The following TP73 variants were observed in gnomAD, a reference collection of about 807,000 sequenced individuals.
The protein encoded by TP73 is p53-like transcription factor.
Under a neutral mutation model 62.5 loss-of-function variants are expected in TP73, and 25 were observed. That is an observed-to-expected ratio of 0.40 (90% CI 0.29 to 0.56). TP73 has a LOEUF of 0.56. TP73 is among the 20% of genes least tolerant of loss of function. The pLI is 0.46. For synonymous variants in TP73, 423 were observed against 377.5 expected (o/e 1.12, Z -1.40); for missense variants, 754 against 913.3 (o/e 0.83, Z 2.25).
chr1:3,713,450 G>A (rs760442714), intron 4 of TP73, among the ~76,000 whole-genome samples: 7 of 152,238 alleles, frequency 4.6e-5, no homozygotes, highest in Non-Finnish European at 8.8e-5. Context: ...GCCAAGATGC[G>A]GTCGTAGGTG....
At chr1:3,729,039 T>C (rs1437159799) in intron 9 of TP73, among the ~76,000 whole-genome samples, 1 of 152,060 alleles carries the variant, frequency 6.6e-6, no homozygotes, top group Non-Finnish European at 1.5e-5. Flanking sequence ...ACTTGGTTTC[T>C]AAAAACCCAG....
intron 4 of TP73, among the ~76,000 whole-genome samples, chr1:3,710,398 C>A (rs962130563): frequency 6.6e-6 from 1 of 152,170 alleles, no homozygotes; most frequent in Non-Finnish European, 1.5e-5. Context: ...AAGTGGTCGG[C>A]TCACAGTGCA....
intron 13 of TP73, 57 bp from the exon 14 acceptor site, chr1:3,732,690 C>A (rs1457191551): frequency 9.5e-6 from 14 of 1,476,408 alleles, no homozygotes; most frequent in South Asian, 5.3e-5. Context: ...CCAGGGCGAC[C>A]CCCCCTGCTC....
At chr1:3,687,516 C>T (rs1003014120) in intron 3 of TP73, among the ~76,000 whole-genome samples, 5 of 152,220 alleles carry the variant, frequency 3.3e-5, no homozygotes, top group Admixed American at 1.3e-4. Context: ...GGCTTGGAAG[C>T]GAATCCCTGC....
chr1:3,730,533 G>T (rs182701000), intron 11 of TP73, among the ~76,000 whole-genome samples: 2 of 152,224 alleles, frequency 1.3e-5, no homozygotes, highest in East Asian at 1.9e-4. Flanking sequence ...AGCACAAGCC[G>T]GGGGCTCCAT....
chr1:3,729,490 C>T (rs745307139), intron 10 of TP73, 42 bp downstream of exon 10: 3 of 1,610,920 alleles, frequency 1.9e-6, no homozygotes, highest in African/African-American at 2.7e-5. Flanking sequence ...GGAAGGAGGA[C>T]ATGGCTTAAC....
rs1328724740 is a variant in TP73, at chr1:3,724,254, G to A, written c.732+785G>A. Among the ~76,000 whole-genome samples, 170 of 152,198 alleles carry A rather than the reference G, an allele frequency of 1.1e-3. 4 individuals are homozygous for A. Among genetic ancestry groups the A allele is most frequent in the Non-Finnish European group, 1.0e-4 (7 of 67,984 alleles). On this transcript the variant is annotated intron_variant, in intron 6 of 13. Transcript: ENST00000378295. ...GGGGCAGAACAGGAGGTGAGGAGTGGGTACCAGGCCCCCAGGGGAAGGCAG... is the reference window on the plus strand; with the variant it reads ...GGGGCAGAACAGGAGGTGAGGAGTGAGTACCAGGCCCCCAGGGGAAGGCAG...
intron 1 of TP73, among the ~76,000 whole-genome samples, chr1:3,680,961 C>T (rs1173668791): frequency 6.6e-6 from 1 of 152,266 alleles, no homozygotes; most frequent in Non-Finnish European, 1.5e-5. Flanking sequence ...TGACCTCACA[C>T]AAGTCACTTA....
At chr1:3,653,163 G>C (rs1644793817) in intron 1 of TP73, among the ~76,000 whole-genome samples, 1 of 152,266 alleles carries the variant, frequency 6.6e-6, no homozygotes, top group South Asian at 2.1e-4. Context: ...ATCTGGGCGG[G>C]GGCCTTGACC....
intron 3 of TP73, among the ~76,000 whole-genome samples, chr1:3,685,605 G>A (rs1284452192): frequency 1.3e-5 from 2 of 152,222 alleles, no homozygotes; most frequent in Non-Finnish European, 2.9e-5. Flanking sequence ...TCCCATGGGA[G>A]CGCCAGGTAC....
intron 13 of TP73, among the ~76,000 whole-genome samples, chr1:3,732,237 G>A (rs377660026): frequency 1.3e-5 from 2 of 152,238 alleles, no homozygotes; most frequent in Non-Finnish European, 2.9e-5. Flanking sequence ...GGGTCAGTGC[G>A]AGCTAGGGCC....
chr1:3,667,560 C>T (rs184786104), intron 1 of TP73, among the ~76,000 whole-genome samples: 43 of 152,142 alleles, frequency 2.8e-4, no homozygotes, highest in Middle Eastern at 6.8e-3. Flanking sequence ...ACTATCCTGG[C>T]CCACATGGTG....
intron 4 of TP73, among the ~76,000 whole-genome samples, chr1:3,717,608 A>AGTCCTC (rs1426781121): frequency 6.6e-6 from 1 of 152,126 alleles, no homozygotes; most frequent in Admixed American, 6.5e-5. Flanking sequence ...GCTCCACCGG[A>AGTCCTC]GTCCTCCTCC....
chr1:3,728,576 CA>C (rs1641865547), intron 9 of TP73, among the ~76,000 whole-genome samples: 1 of 152,272 alleles, frequency 6.6e-6, no homozygotes. Flanking sequence ...GGCCAGCCCC[CA>C]TGAGTGTGCC....
At chr1:3,698,272 T>A (rs755630421) in intron 3 of TP73, 3 of 223,196 alleles carry the variant, frequency 1.3e-5, no homozygotes, top group Non-Finnish European at 2.3e-5. Flanking sequence ...GAGAGAAGCG[T>A]GTGTGAGCTG....
At position 3,666,525 on chromosome 1, in the gene TP73, G is replaced by A. The variant is rs1645117061; in HGVS notation, c.-34+13884G>A. On this transcript the variant is annotated intron_variant, in intron 1 of 13. Transcript: ENST00000378295. The surrounding 1 kb of genome is among the most constrained non-coding windows in gnomAD (Gnocchi z 6.4). Reference sequence around the variant, plus strand: ...GCTGGCAAATACTGAAGAGCTGTGGGGAGAAAGGAAGGGGTCTGACAGTGA... The same window carrying A: ...GCTGGCAAATACTGAAGAGCTGTGGAGAGAAAGGAAGGGGTCTGACAGTGA... Among the ~76,000 whole-genome samples, 1 of 152,148 alleles carries A rather than the reference G, an allele frequency of 6.6e-6. No individual in the cohort carries two copies. The highest frequency in any genetic ancestry group is 2.1e-4 in the South Asian group (1 of 4,828).
chr1:3,667,694 G>C (rs1645151225), intron 1 of TP73, among the ~76,000 whole-genome samples: 1 of 149,670 alleles, frequency 6.7e-6, no homozygotes, highest in Non-Finnish European at 1.5e-5. Context: ...AGGTTGCAGT[G>C]AGCCAAGATG....
Position 3,654,293 on chromosome 1 carries a change from T to G in TP73, c.-34+1652T>G, listed in dbSNP as rs1305471648. On this transcript the variant is annotated intron_variant, in intron 1 of 13. Transcript: ENST00000378295. ...GGCGGACCTGAGCGGGGCTTGTCTA[T>G]GCGCGGCGGCCACCAGAGAATGGCT... 3.3e-5 allele frequency among the ~76,000 whole-genome samples: 5 copies of G among 152,266 alleles called. No homozygotes were observed. In the East Asian group the frequency reaches 9.6e-4, roughly 29 times the overall value.
At chr1:3,707,329 C>T (rs1639743702) in intron 3 of TP73, among the ~76,000 whole-genome samples, 1 of 152,066 alleles carries the variant, frequency 6.6e-6, no homozygotes. Flanking sequence ...CCCCAGAAAC[C>T]CTGGCACCGG....
Sources: allele counts gnomAD v4.1 joint callset (sites outside exome capture counted in the v4.1 genomes callset), GRCh38; gene constraint gnomAD v4.1.1; non-coding constraint Gnocchi (gnomAD v3.1); transcripts MANE v1.5; gene names NCBI Gene and HGNC (gene_info 2026-07-23, HGNC 2026-07-21).